The following E4F1 variants were observed in gnomAD, a reference collection of about 807,000 sequenced individuals.
E4F1 encodes E4F transcription factor 1, also known as transcription factor E4F1.
In E4F1, 30 loss-of-function variants were observed where a neutral mutation model predicts 72.9. That is an observed-to-expected ratio of 0.41 (90% CI 0.31 to 0.56). The LOEUF is 0.56. Ranked by LOEUF, E4F1 falls within the 20% of genes least tolerant of loss-of-function variation. The pLI is 0.25. For missense variants in E4F1, 1,091 were observed against 1,117.5 expected (o/e 0.98, Z 0.34); for synonymous variants, 542 against 478.2 (o/e 1.13, Z -1.74).
In E4F1 at chr16:2,235,204, G is replaced by A. The variant is rs375148567; in HGVS notation, c.1999-12G>A. The A allele has an allele frequency of 3.6e-5, 58 of 1,609,270 alleles. No individual in the cohort carries two copies. Among genetic ancestry groups the A allele is most frequent in the African/African-American group, 1.9e-4 (14 of 75,052 alleles). ...CTGGCACAGCCGCTCTTGCTGAGCCGTGGCCCTGCAGGTGGACAGCCACAT... is the reference window on the plus strand; with the variant it reads ...CTGGCACAGCCGCTCTTGCTGAGCCATGGCCCTGCAGGTGGACAGCCACAT... On this transcript the variant is annotated splice_polypyrimidine_tract_variant and intron_variant, in intron 13 of 13. Transcript: ENST00000301727.
chr16:2,234,759 G>A lies in E4F1; in HGVS notation c.1770G>A (p.Leu590=). The A allele has an allele frequency of 1.3e-6, 2 of 1,495,972 alleles. No individual in the cohort carries two copies. The highest frequency in any genetic ancestry group is 1.8e-6 in the Non-Finnish European group (2 of 1,115,558). 92.7% of individuals were successfully genotyped at this position (1,495,972 alleles called of 1,614,324 possible). ...CGRGFAEHGT[L]NRHLRTKGGC... is the part of the protein sequence containing the mutation. Reference sequence around the variant, plus strand: ...GTGGCTTCGCCGAGCACGGCACGCTGAACCGGCACCTGCGCACCAAAGGTC... The same window carrying A: ...GTGGCTTCGCCGAGCACGGCACGCTAAACCGGCACCTGCGCACCAAAGGTC... The change falls in exon 11 of 14, where the codon CTG becomes CTA. Residue 590 remains leucine, a synonymous_variant. Transcript: ENST00000301727.
intron 6 of E4F1, 32 bp from the exon 7 acceptor site, chr16:2,232,977 TGA>T (rs762313154): frequency 5.0e-6 from 8 of 1,610,104 alleles, no homozygotes; most frequent in Non-Finnish European, 6.8e-6. Flanking sequence ...CTGGGGTGTG[TGA>T]GGGATCTTCA....
chr16:2,229,835 AGG>A, intron 3 of E4F1, 160 bp downstream of exon 3: 1 of 719,844 alleles, frequency 1.4e-6, no homozygotes, highest in Non-Finnish European at 2.3e-6. Context: ...AGCCTGCAGG[AGG>A]AGGAAGCGTT....
chr16:2,230,540 G>GCGGGGAGTGGGCAGCTGGA (rs2093461515), intron 3 of E4F1: 2 of 151,998 alleles, frequency 1.3e-5, no homozygotes, highest in African/African-American at 4.9e-5. Flanking sequence ...GCTGAGGCAG[G>GCGGGGAGTGGGCAGCTGGA]CGGGGAGTGG....
chr16:2,226,112 T>C (rs1465681861), intron 1 of E4F1, among the ~76,000 whole-genome samples: 1 of 151,196 alleles, frequency 6.6e-6, no homozygotes, highest in Non-Finnish European at 1.5e-5. Context: ...AAAAAAAAGA[T>C]GCAGATTGGG....
rs1005497237 is a variant in E4F1, at chr16:2,234,773, G to T, written c.1784G>T (p.Arg595Leu). 1.6e-5 allele frequency: 21 copies of T among 1,283,480 alleles called. No homozygotes were observed. The highest frequency in any genetic ancestry group is 2.1e-5 in the Non-Finnish European group (20 of 968,982). 79.5% of individuals were successfully genotyped at this position (1,283,480 alleles called of 1,614,324 possible). The change falls in exon 11 of 14, where the codon CGC becomes CTC. Residue 595 changes from arginine (R) to leucine (L), a missense_variant. Physicochemically the swap from Arg to Leu is moderately radical, Grantham distance 102. Coordinates refer to ENST00000301727, the MANE Select transcript of E4F1 (RefSeq NM_004424.5). ...AEHGTLNRHL[R>L]TKGGCLLEVE... Reference sequence around the variant, plus strand: ...CACGGCACGCTGAACCGGCACCTGCGCACCAAAGGTCTGGGCCGGTGGAGG... The same window carrying T: ...CACGGCACGCTGAACCGGCACCTGCTCACCAAAGGTCTGGGCCGGTGGAGG...
chr16:2,224,060 C>T lies in E4F1; in HGVS notation c.157+290C>T, dbSNP rs1293804927. 5 of 1,107,292 alleles carry T rather than the reference C, an allele frequency of 4.5e-6. No individual in the cohort carries two copies. The Admixed American group carries it at 1.3e-4, about 28-fold the overall frequency. The allele number at this position is 1,107,292 out of a possible 1,614,324, so 68.6% of individuals were successfully genotyped here. On this transcript the variant is annotated intron_variant, in intron 1 of 13. Transcript: ENST00000301727. ...TGTAGACATTCGCAGACGCCGGCGT[C>T]CCGGCCCTTCTCTGCCTCCGATGCC...
intron 1 of E4F1, 75 bp from the exon 2 acceptor site, chr16:2,228,297 G>A (rs1395104988): frequency 6.3e-7 from 1 of 1,588,420 alleles, no homozygotes; most frequent in Admixed American, 1.7e-5. Context: ...TCTAGGGCTG[G>A]AGGAAAAGCC....
chr16:2,233,919 A>G lies in E4F1; in HGVS notation c.1304A>G (p.His435Arg). The G allele has an allele frequency of 6.2e-7, 1 of 1,603,236 alleles. No homozygotes were observed. Among genetic ancestry groups the G allele is most frequent in the East Asian group, 2.3e-5 (1 of 44,422 alleles). ...GAGGCCTCAGCGGTGCCCAGGACCC[A>G]CCCATGTCCTCAGTGCAGTGAGACC... ...ASEASAVPRT[H>R]PCPQCSETFP... Residue 435 changes from histidine (H) to arginine (R), a missense_variant, in exon 9 of 14, where the codon CAC (histidine) becomes CGC (arginine). Coordinates refer to ENST00000301727, the MANE Select transcript of E4F1 (RefSeq NM_004424.5).
intron 1 of E4F1, among the ~76,000 whole-genome samples, chr16:2,225,343 G>A (rs977013418): frequency 2.2e-4 from 34 of 151,820 alleles, no homozygotes; most frequent in African/African-American, 7.5e-4. Flanking sequence ...GTCCTATGAG[G>A]CTGCAGATGG....
intron 1 of E4F1, 182 bp downstream of exon 1, chr16:2,223,952 C>G (rs1452978939): frequency 1.3e-6 from 2 of 1,524,730 alleles, no homozygotes; most frequent in East Asian, 5.0e-5. Context: ...CCTCACGGGC[C>G]TCTCCTGCGG....
At chr16:2,228,900 CT>C (rs1246864188) in intron 2 of E4F1, among the ~76,000 whole-genome samples, 9 of 152,334 alleles carry the variant, frequency 5.9e-5, no homozygotes, top group African/African-American at 2.2e-4. Context: ...AAGTGTGGCC[CT>C]GGGGGGTCCC....
Position 2,232,229 on chromosome 16 carries a change from G to C in E4F1, c.474G>C (p.Glu158Asp). The C allele has an allele frequency of 6.2e-7, 1 of 1,612,774 alleles. No homozygotes were observed. The highest frequency in any genetic ancestry group is 2.2e-5 in the East Asian group (1 of 44,874). The change falls in exon 4 of 14, where the codon GAG becomes GAC. Residue 158 changes from glutamate (E) to aspartate (D), a missense_variant. Physicochemically the swap from Glu to Asp is conservative, Grantham distance 45. Coordinates refer to ENST00000301727, the MANE Select transcript of E4F1 (RefSeq NM_004424.5). ...VAAEAELGDGEMAEAPGSPRQ... is the reference protein window; with the variant it reads ...VAAEAELGDGDMAEAPGSPRQ... The stretch of plus-strand genomic sequence containing the variant: ...CTGAGGCGGAGCTGGGAGACGGTGA[G>C]ATGGCCGAGGCCCCGGGCAGCCCCC...
chr16:2,228,994 C>T (rs907685716), intron 2 of E4F1, among the ~76,000 whole-genome samples: 10 of 152,240 alleles, frequency 6.6e-5, no homozygotes, highest in East Asian at 1.9e-4. Context: ...ACCCCGCACA[C>T]GCCGCAGCGG....
At chr16:2,224,804 G>C (rs1249742286) in intron 1 of E4F1, among the ~76,000 whole-genome samples, 1 of 151,680 alleles carries the variant, frequency 6.6e-6, no homozygotes, top group Non-Finnish European at 1.5e-5. Flanking sequence ...AAATGACCAG[G>C]GTCACCCAGG....
chr16:2,226,737 C>T lies in E4F1; in HGVS notation c.158-1635C>T, dbSNP rs148750102. Reference sequence around the variant, plus strand: ...TTCCTAGGATGGGAATAGTTCTCTCCATTTCCACAGGGTGCTGGCAAGATT... The same window carrying T: ...TTCCTAGGATGGGAATAGTTCTCTCTATTTCCACAGGGTGCTGGCAAGATT... On this transcript the variant is annotated intron_variant, in intron 1 of 13. Coordinates refer to ENST00000301727, the MANE Select transcript of E4F1 (RefSeq NM_004424.5). Among the ~76,000 whole-genome samples, 690 of 152,336 alleles carry T rather than the reference C, an allele frequency of 4.5e-3. 7 individuals carry two copies. The highest frequency in any genetic ancestry group is 0.016 in the African/African-American group (663 of 41,566).
chr16:2,225,168 G>T (rs906403633), intron 1 of E4F1, among the ~76,000 whole-genome samples: 2 of 152,084 alleles, frequency 1.3e-5, no homozygotes, highest in Non-Finnish European at 2.9e-5. Flanking sequence ...AGCCGAGATC[G>T]CACCACTGCT....
At chr16:2,235,193 C>G (rs1596774440) in intron 13 of E4F1, 23 bp from the exon 14 acceptor site, 1 of 1,609,810 alleles carries the variant, frequency 6.2e-7, no homozygotes, top group African/African-American at 1.3e-5. Context: ...CACAGCCGCT[C>G]TTGCTGAGCC....
At chr16:2,228,204 G>A in intron 1 of E4F1, 168 bp from the exon 2 acceptor site, 1 of 884,166 alleles carries the variant, frequency 1.1e-6, no homozygotes, top group Non-Finnish European at 1.8e-6. Flanking sequence ...TGTACCTTGG[G>A]ATGACCTTGT....
Sources: gnomAD v4.1 joint callset for allele counts (sites outside exome capture counted in the v4.1 genomes callset) on GRCh38, gnomAD v4.1.1 for gene constraint, MANE v1.5 for transcripts, NCBI Gene and HGNC (gene_info 2026-07-23, HGNC 2026-07-21) for gene names.